Variants in ADGRV1 observed in about 807,000 individuals in gnomAD.
ADGRV1 encodes the protein adhesion G protein-coupled receptor V1, also known as G-protein coupled receptor 98.
A neutral mutation model predicts 596.2 loss-of-function variants in ADGRV1; 359 were observed. The ratio of observed to expected loss-of-function variants is 0.60; its 90% confidence interval spans 0.55 to 0.66. The LOEUF (loss-of-function observed/expected upper bound fraction) is 0.66. ADGRV1 is among the 30% of genes least tolerant of loss of function. ADGRV1 has a pLI of 0.00. For missense variants in ADGRV1, 7,274 were observed against 7,575.6 expected (o/e 0.96, Z 1.48); for synonymous variants, 2,681 against 2,679.2 (o/e 1.00, Z -0.02).
chr5:90,777,860 C>A (rs1758409002), intron 61 of ADGRV1, 45 bp from the exon 62 acceptor site: 4 of 1,481,220 alleles, frequency 2.7e-6, no homozygotes, highest in Non-Finnish European at 3.6e-6. Context: ...AAGAAAAGTA[C>A]CTTCAACTGA....
intron 59 of ADGRV1, among the ~76,000 whole-genome samples, chr5:90,771,431 C>T (rs986680526): frequency 1.3e-5 from 2 of 152,130 alleles, no homozygotes; most frequent in African/African-American, 4.8e-5. Flanking sequence ...TAAACAAAGG[C>T]TCTGAGTATT....
intron 1 of ADGRV1, chr5:90,614,339 A>G: frequency 3.5e-6 from 1 of 282,438 alleles, no homozygotes; most frequent in South Asian, 3.2e-5. Flanking sequence ...GCAATAACTA[A>G]GAATTTAAAA....
chr5:91,122,357 G>C (rs1379400086), intron 87 of ADGRV1, among the ~76,000 whole-genome samples: 2 of 152,148 alleles, frequency 1.3e-5, no homozygotes, highest in Non-Finnish European at 2.9e-5. Flanking sequence ...TTCCCAAATG[G>C]TAACAAGGGA....
chr5:90,845,395 T>C (rs2150374649), intron 78 of ADGRV1, among the ~76,000 whole-genome samples: 1 of 152,270 alleles, frequency 6.6e-6, no homozygotes, highest in East Asian at 1.9e-4. Context: ...CAGTTTTGTG[T>C]GCTTTACTAA....
Position 90,566,163 on chromosome 5 carries a change from A to C in ADGRV1, c.22+7246A>C, listed in dbSNP as rs190015712. Among the ~76,000 whole-genome samples the C allele has an allele frequency of 2.2e-3, 332 of 151,802 alleles. 1 individual carries two copies. The highest frequency in any genetic ancestry group is 8.9e-3 in the South Asian group (43 of 4,812). ...TGTCCTGTGAAGCAAAATGTCTTTA[A>C]TTTTGTTGAATTAATTTATTTAACT... On this transcript the variant is annotated intron_variant, in intron 1 of 89. Coordinates refer to ENST00000405460, the MANE Select transcript of ADGRV1 (RefSeq NM_032119.4).
intron 11 of ADGRV1, among the ~76,000 whole-genome samples, chr5:90,641,378 G>A (rs1766950110): frequency 6.6e-6 from 1 of 152,228 alleles, no homozygotes; most frequent in South Asian, 2.1e-4. Context: ...TCACTTAAGG[G>A]TAGCATATTT....
chr5:90,679,500 T>G, intron 25 of ADGRV1, 49 bp from the exon 26 acceptor site: 2 of 1,336,724 alleles, frequency 1.5e-6, no homozygotes, highest in Non-Finnish European at 2.1e-6. Flanking sequence ...ATTTTCTCAT[T>G]GTGTCAATGT....
Position 90,755,119 on chromosome 5 carries a change from G to A in ADGRV1, c.11514G>A (p.Leu3838=). The A allele has an allele frequency of 6.2e-7, 1 of 1,611,302 alleles. No individual in the cohort carries two copies. The highest frequency in any genetic ancestry group is 2.2e-5 in the East Asian group (1 of 44,838). Residue 3838 remains leucine, a synonymous_variant, in exon 55 of 90, where the codon TTG becomes TTA. Transcript: ENST00000405460. ...CTACTGAGAATGAAGATTATGTATTGCAAGAAACAATAATAATAATGAAAG... is the reference window on the plus strand; with the variant it reads ...CTACTGAGAATGAAGATTATGTATTACAAGAAACAATAATAATAATGAAAG... The part of the protein sequence containing the change: ...NQATENEDYV[L]QETIIIMKEN...
At chr5:90,747,519 C>T (rs947803790) in intron 52 of ADGRV1, among the ~76,000 whole-genome samples, 6 of 151,982 alleles carry the variant, frequency 3.9e-5, no homozygotes, top group Non-Finnish European at 7.4e-5. Flanking sequence ...CTAAGATTCC[C>T]CCTCCCACCC....
intron 77 of ADGRV1, among the ~76,000 whole-genome samples, chr5:90,834,455 A>G (rs993751443): frequency 1.3e-5 from 2 of 152,114 alleles, no homozygotes; most frequent in Non-Finnish European, 2.9e-5. Context: ...TAAACATGTC[A>G]TGCTACACTC....
chr5:90,904,593 A>AT (rs1341575680), intron 83 of ADGRV1, among the ~76,000 whole-genome samples: 1 of 151,408 alleles, frequency 6.6e-6, no homozygotes, highest in African/African-American at 2.4e-5. Context: ...TTTTTTGCCA[A>AT]TATTTTTTTT....
chr5:90,777,465 A>G (rs765107090), intron 61 of ADGRV1, among the ~76,000 whole-genome samples: 20 of 152,158 alleles, frequency 1.3e-4, no homozygotes, highest in Non-Finnish European at 1.6e-4. Flanking sequence ...TATCAATGGC[A>G]TAGCTGGGTT....
intron 57 of ADGRV1, among the ~76,000 whole-genome samples, chr5:90,758,369 A>C (rs1756075069): frequency 6.6e-6 from 1 of 152,196 alleles, no homozygotes. Context: ...AATGCAAGTC[A>C]ATGAGATTCT....
intron 85 of ADGRV1, among the ~76,000 whole-genome samples, chr5:90,993,111 T>C (rs1417637374): frequency 6.6e-6 from 1 of 151,472 alleles, no homozygotes; most frequent in Admixed American, 6.6e-5. Context: ...TGTGTGTCCT[T>C]GGTCTTCAAT....
chr5:91,060,378 G>GTGTGTGTGTGTGTGTATATA (rs1234369490), intron 85 of ADGRV1, among the ~76,000 whole-genome samples: 1 of 77,074 alleles, frequency 1.3e-5, no homozygotes, highest in African/African-American at 4.1e-5. Context: ...ATGTGTGTGT[G>GTGTGTGTGTGTGTGTATATA]TATATATATA....
chr5:90,678,259 G>A (rs7716249), intron 25 of ADGRV1, among the ~76,000 whole-genome samples: 4,377 of 152,032 alleles, frequency 0.029, 202 homozygotes, highest in African/African-American at 0.1. Context: ...TGGTAGAAGC[G>A]TATACGTATG....
rs548986064 is a variant in ADGRV1, at chr5:90,864,498, G to A, written c.17856+641G>A. Among the ~76,000 whole-genome samples the A allele has an allele frequency of 2.2e-4, 33 of 152,300 alleles. No individual in the cohort carries two copies. The South Asian group carries it at 6.2e-3, about 29-fold the overall frequency. On this transcript the variant is annotated intron_variant, in intron 83 of 89. Coordinates refer to ENST00000405460, the MANE Select transcript of ADGRV1 (RefSeq NM_032119.4). ...ATATAAATAACTAATTCAGTGTGAT[G>A]TGTGAACATAGACCATTTGCAAACT... is the stretch of plus-strand genomic sequence containing the variant.
chr5:90,818,804 G>A (rs1372030514), intron 75 of ADGRV1, among the ~76,000 whole-genome samples: 1 of 151,410 alleles, frequency 6.6e-6, no homozygotes, highest in Non-Finnish European at 1.5e-5. Flanking sequence ...ATGTGCTGCT[G>A]GATTCGTTTT....
At chr5:90,689,332 CTTT>C (rs34756274) in intron 29 of ADGRV1, among the ~76,000 whole-genome samples, 27,583 of 103,524 alleles carry the variant, frequency 0.27, 3,667 homozygotes, top group Admixed American at 0.43. Flanking sequence ...CCCCACCCAC[CTTT>C]TTTTTTTTTT....
Sources: gnomAD v4.1 joint callset for allele counts (sites outside exome capture counted in the v4.1 genomes callset) on GRCh38, gnomAD v4.1.1 for gene constraint, MANE v1.5 for transcripts, NCBI Gene and HGNC (gene_info 2026-07-23, HGNC 2026-07-21) for gene names.